Variants in KDM4B observed in about 807,000 individuals in gnomAD.
KDM4B encodes lysine-specific demethylase 4B.
Under a neutral mutation model 125.2 loss-of-function variants are expected in KDM4B, and 32 were observed. The observed-to-expected ratio is 0.26, with a 90% CI of 0.19 to 0.34. The LOEUF (loss-of-function observed/expected upper bound fraction) is 0.34. KDM4B is among the 10% of genes least tolerant of loss of function. The probability of loss-of-function intolerance (pLI) is 1.00; values close to 1 mark genes in which losing one functional copy is unlikely to be tolerated. For synonymous variants in KDM4B, 721 were observed against 677.9 expected (o/e 1.06, Z -0.99); for missense variants, 1,190 against 1,577.7 (o/e 0.75, Z 4.16).
intron 1 of KDM4B, among the ~76,000 whole-genome samples, chr19:5,007,659 C>A (rs1260853879): frequency 6.6e-6 from 1 of 151,490 alleles, no homozygotes; most frequent in African/African-American, 2.4e-5. Context: ...GATCCTCCCA[C>A]CTCAGCCTCC....
intron 13 of KDM4B, 78 bp from the exon 14 acceptor site, chr19:5,133,805 T>C: frequency 6.7e-7 from 1 of 1,488,248 alleles, no homozygotes; most frequent in Non-Finnish European, 9.3e-7. Flanking sequence ...GGCCATCCCC[T>C]GGGCAGTTGG....
At chr19:5,060,646 G>A (rs923730806) in intron 6 of KDM4B, among the ~76,000 whole-genome samples, 1 of 152,092 alleles carries the variant, frequency 6.6e-6, no homozygotes, top group African/African-American at 2.4e-5. Context: ...CATGGTGGGG[G>A]CTGCCTCCTG....
At chr19:5,053,075 G>A (rs888496527) in intron 6 of KDM4B, among the ~76,000 whole-genome samples, 33 of 152,244 alleles carry the variant, frequency 2.2e-4, no homozygotes, top group Non-Finnish European at 2.2e-4. Flanking sequence ...GCTGAGCACT[G>A]GGTTGAAATG....
intron 11 of KDM4B, among the ~76,000 whole-genome samples, chr19:5,123,854 G>A (rs571686932): frequency 6.6e-6 from 1 of 152,304 alleles, no homozygotes; most frequent in African/African-American, 2.4e-5. Flanking sequence ...AGCCCCAGGC[G>A]AGGTCGGCAG....
intron 9 of KDM4B, among the ~76,000 whole-genome samples, chr19:5,084,539 TA>T (rs1287648194): frequency 1.5e-4 from 20 of 132,980 alleles, no homozygotes; most frequent in East Asian, 6.6e-4. Context: ...GTTATTTATA[TA>T]TTATATATAA....
chr19:5,137,638 C>A lies in KDM4B; in HGVS notation c.2403C>A (p.Asn801Lys). The change falls in exon 17 of 23, where the codon AAC (asparagine) becomes AAA (lysine). Residue 801 changes from asparagine (N) to lysine (K), a missense_variant. Asn to Lys is a moderately conservative substitution (Grantham distance 94). Coordinates refer to ENST00000159111, the MANE Select transcript of KDM4B (RefSeq NM_015015.3). Reference protein sequence around the residue: ...HAWTAECCLCNLRGGALQMTT... With the variant: ...HAWTAECCLCKLRGGALQMTT... ...CTCCACAGGAGTGCTGCCTGTGCAACCTGCGAGGAGGTGCGCTGCAGATGA... is the reference window on the plus strand; with the variant it reads ...CTCCACAGGAGTGCTGCCTGTGCAAACTGCGAGGAGGTGCGCTGCAGATGA... 6.2e-7 allele frequency: 1 copy of A among 1,603,258 alleles called. No individual in the cohort carries two copies. Among genetic ancestry groups the A allele is most frequent in the Non-Finnish European group, 8.5e-7 (1 of 1,178,266 alleles).
At chr19:5,143,819 C>T in intron 18 of KDM4B, 148 bp from the exon 19 acceptor site, 1 of 647,078 alleles carries the variant, frequency 1.5e-6, no homozygotes, top group Non-Finnish European at 2.6e-6. Flanking sequence ...GGGCTCTGGG[C>T]TGTGGAGGGG....
intron 6 of KDM4B, 82 bp from the exon 7 acceptor site, chr19:5,070,928 C>A (rs1307452948): frequency 6.8e-7 from 1 of 1,461,516 alleles, no homozygotes; most frequent in Admixed American, 1.7e-5. Context: ...GTCTGCGTCT[C>A]CCCAAGGCTG....
At chr19:5,059,087 C>G (rs972738056) in intron 6 of KDM4B, among the ~76,000 whole-genome samples, 1 of 152,220 alleles carries the variant, frequency 6.6e-6, no homozygotes, top group African/African-American at 2.4e-5. Flanking sequence ...AGTCGCCCGC[C>G]CACCCAGTCT....
At chr19:5,025,682 G>T (rs1235249365) in intron 2 of KDM4B, among the ~76,000 whole-genome samples, 1 of 152,120 alleles carries the variant, frequency 6.6e-6, no homozygotes. Context: ...CCGGCCTCTG[G>T]GGCCTTAGCT....
At chr19:5,039,345 C>T (rs2036730194) in intron 3 of KDM4B, among the ~76,000 whole-genome samples, 1 of 152,100 alleles carries the variant, frequency 6.6e-6, no homozygotes. Context: ...GTCCCCACTA[C>T]TCGGGAGGCT....
intron 5 of KDM4B, among the ~76,000 whole-genome samples, chr19:5,044,363 T>G (rs2036954780): frequency 9.9e-6 from 1 of 100,802 alleles, no homozygotes; most frequent in Non-Finnish European, 2.0e-5. Flanking sequence ...CGGAGTGGGG[T>G]GTCCACCTTA....
intron 1 of KDM4B, among the ~76,000 whole-genome samples, chr19:4,976,442 G>A (rs959925629): frequency 2.0e-5 from 3 of 152,128 alleles, no homozygotes; most frequent in Non-Finnish European, 2.9e-5. Flanking sequence ...GGATTCACGC[G>A]GCTGCCTTTC....
rs1050806245 is a variant in KDM4B at position 5,020,295 on chromosome 19, G to T, written c.-26+3956G>T. On this transcript the variant is annotated intron_variant, in intron 2 of 22. Coordinates refer to ENST00000159111, the MANE Select transcript of KDM4B (RefSeq NM_015015.3). ...TGGTATGCAGATGGTGTAGATGTTG[G>T]TGTGCAGGTGTTGGTGTGGGTGTTG... Among the ~76,000 whole-genome samples the T allele has an allele frequency of 2.0e-5, 3 of 150,614 alleles. No homozygotes were observed. In the East Asian group the frequency reaches 5.9e-4, roughly 30 times the overall value.
intron 8 of KDM4B, among the ~76,000 whole-genome samples, chr19:5,080,096 G>A (rs2038242730): frequency 6.6e-6 from 1 of 152,186 alleles, no homozygotes; most frequent in African/African-American, 2.4e-5. Context: ...TGCTGCACGT[G>A]GCTGTCACTT....
chr19:4,981,692 C>T (rs1027293494), intron 1 of KDM4B, among the ~76,000 whole-genome samples: 3 of 152,182 alleles, frequency 2.0e-5, no homozygotes, highest in African/African-American at 7.2e-5. Context: ...CGGTGCTGTA[C>T]AGTCAGCCCA....
At position 5,082,522 on chromosome 19, in the gene KDM4B, G is replaced by A; in HGVS notation, c.918+18G>A. ...CCACTCAGGTAAAAGCTTGCCTGCT[G>A]GGAACGGGTCCCAGCAGGGCGGGAG... On this transcript the variant is annotated intron_variant, in intron 9 of 22. Transcript: ENST00000159111. The surrounding 1 kb of genome is among the most constrained non-coding windows in gnomAD (Gnocchi z 5.4). The A allele has an allele frequency of 6.3e-7, 1 of 1,578,502 alleles. No individual in the cohort carries two copies. Among genetic ancestry groups the A allele is most frequent in the South Asian group, 1.2e-5 (1 of 84,364 alleles).
At chr19:5,137,720 C>T (rs372653892) in intron 17 of KDM4B, 44 bp downstream of exon 17, 953 of 1,520,944 alleles carry the variant, frequency 6.3e-4, no homozygotes, top group Non-Finnish European at 7.6e-4. Context: ...GGAGGGGAGC[C>T]TGCCCTGGGC....
rs569037356 is a variant in KDM4B, at chr19:4,977,815, G to A, written c.-109+8585G>A. Among the ~76,000 whole-genome samples, 135 of 152,242 alleles carry A rather than the reference G, an allele frequency of 8.9e-4. 2 individuals are homozygous for A. Among genetic ancestry groups the A allele is most frequent in the African/African-American group, 2.8e-3 (115 of 41,540 alleles). On this transcript the variant is annotated intron_variant, in intron 1 of 22. Transcript: ENST00000159111. ...AGCAGCCTGGAAGCTGGCCAGCCTC[G>A]GCGCCCTTGGGGACAGCCCTTGACA...
Sources: allele counts gnomAD v4.1 joint callset (sites outside exome capture counted in the v4.1 genomes callset), GRCh38; gene constraint gnomAD v4.1.1; non-coding constraint Gnocchi (gnomAD v3.1); transcripts MANE v1.5; gene names NCBI Gene and HGNC (gene_info 2026-07-23, HGNC 2026-07-21).